Variants in FGGY observed in about 807,000 individuals in gnomAD.
FGGY encodes FGGY carbohydrate kinase domain containing, also known as FGGY carbohydrate kinase domain-containing protein.
A neutral mutation model predicts 71.3 loss-of-function variants in FGGY; 72 were observed. The ratio of observed to expected loss-of-function variants is 1.01; its 90% CI spans 0.84 to 1.23. The LOEUF (loss-of-function observed/expected upper bound fraction) is 1.23, where lower values mean the gene tolerates loss of function less well. Among genes scored for constraint, FGGY ranks in the 50% most tolerant of loss-of-function variants. FGGY has a pLI of 0.00. For synonymous variants in FGGY, 251 were observed against 250.3 expected (o/e 1.00, Z -0.02); for missense variants, 668 against 682.3 (o/e 0.98, Z 0.23).
At chr1:59,567,811 A>G (rs2095900120) in intron 8 of FGGY, among the ~76,000 whole-genome samples, 1 of 150,836 alleles carries the variant, frequency 6.6e-6, no homozygotes, top group South Asian at 2.1e-4. Context: ...ATTAAATCTG[A>G]TGGTTTCATT....
intron 8 of FGGY, among the ~76,000 whole-genome samples, chr1:59,566,467 T>C (rs1467564005): frequency 2.6e-5 from 4 of 152,184 alleles, no homozygotes; most frequent in Admixed American, 6.6e-5. Context: ...TTCTACTCTT[T>C]CACTTAACCA....
chr1:59,660,388 A>C, intron 12 of FGGY, 95 bp downstream of exon 12: 1 of 865,306 alleles, frequency 1.2e-6, no homozygotes, highest in Non-Finnish European at 1.8e-6. Context: ...CTTTTGTGAC[A>C]GAGATTCTTA....
chr1:59,372,801 A>T (rs1344115295), intron 4 of FGGY, among the ~76,000 whole-genome samples: 1 of 152,168 alleles, frequency 6.6e-6, no homozygotes, highest in African/African-American at 2.4e-5. Flanking sequence ...AGAACCAAAG[A>T]CAAAAACCAC....
chr1:59,600,593 C>A (rs556140682), intron 8 of FGGY, among the ~76,000 whole-genome samples: 1 of 152,270 alleles, frequency 6.6e-6, no homozygotes, highest in South Asian at 2.1e-4. Flanking sequence ...CTTTGGACAC[C>A]AAACTTTTCC....
intron 14 of FGGY, among the ~76,000 whole-genome samples, chr1:59,713,302 GTCT>G (rs1375895630): frequency 6.6e-6 from 1 of 152,170 alleles, no homozygotes; most frequent in Non-Finnish European, 1.5e-5. Context: ...ACATCTTCCT[GTCT>G]TCTTCTGAGT....
In FGGY at chr1:59,616,941, G is replaced by C. The variant is rs111760731; in HGVS notation, c.1011+9031G>C. Among the ~76,000 whole-genome samples, 1,303 of 152,184 alleles carry C rather than the reference G, an allele frequency of 8.6e-3. 24 individuals are homozygous for C. The highest frequency in any genetic ancestry group is 0.03 in the African/African-American group (1,242 of 41,532). On this transcript the variant is annotated intron_variant, in intron 9 of 15. Transcript: ENST00000303721. Reference sequence around the variant, plus strand: ...GCCTGGAGAGTCTCCTCACCCACCAGTGATGGCCTTTTAATATGTTTTATT... The same window carrying C: ...GCCTGGAGAGTCTCCTCACCCACCACTGATGGCCTTTTAATATGTTTTATT...
At chr1:59,665,052 C>T (rs2097311184) in intron 12 of FGGY, among the ~76,000 whole-genome samples, 1 of 152,172 alleles carries the variant, frequency 6.6e-6, no homozygotes, top group Non-Finnish European at 1.5e-5. Flanking sequence ...TTAGCTACTA[C>T]AATTCATGCC....
intron 5 of FGGY, among the ~76,000 whole-genome samples, chr1:59,404,339 C>A (rs982606431): frequency 1.3e-5 from 2 of 151,972 alleles, no homozygotes; most frequent in African/African-American, 4.8e-5. Flanking sequence ...ACCTGCACGG[C>A]ATGCACATGT....
At chr1:59,576,181 A>C (rs564058945) in intron 8 of FGGY, among the ~76,000 whole-genome samples, 169 of 152,310 alleles carry the variant, frequency 1.1e-3, no homozygotes, top group African/African-American at 3.8e-3. Flanking sequence ...TGGATAAGGA[A>C]AATGTGGCAC....
intron 5 of FGGY, among the ~76,000 whole-genome samples, chr1:59,384,801 G>GTTCT (rs1444984173): frequency 1.3e-5 from 2 of 152,020 alleles, no homozygotes; most frequent in Non-Finnish European, 2.9e-5. Flanking sequence ...ACAATAAAGG[G>GTTCT]TTCTTTTAAT....
chr1:59,698,639 T>G, intron 14 of FGGY: 2 of 511,690 alleles, frequency 3.9e-6, no homozygotes, highest in Non-Finnish European at 2.5e-6. Flanking sequence ...TGGGAATTTT[T>G]TTTTCTTGCT....
intron 9 of FGGY, among the ~76,000 whole-genome samples, chr1:59,623,313 C>G (rs2096827649): frequency 1.3e-5 from 2 of 152,116 alleles, no homozygotes; most frequent in Non-Finnish European, 2.9e-5. Context: ...TTATGACATT[C>G]AAGACACACT....
At chr1:59,353,631 G>A (rs1342039901) in intron 4 of FGGY, among the ~76,000 whole-genome samples, 2 of 152,014 alleles carry the variant, frequency 1.3e-5, no homozygotes, top group African/African-American at 4.8e-5. Flanking sequence ...TACCAGTGCC[G>A]CCAGTCTCAG....
chr1:59,483,887 A>G (rs1478549258), intron 6 of FGGY, among the ~76,000 whole-genome samples: 1 of 152,140 alleles, frequency 6.6e-6, no homozygotes, highest in Non-Finnish European at 1.5e-5. Flanking sequence ...TTCTTGAAAA[A>G]AAATAAAAGA....
chr1:59,653,109 T>A (rs913782421), intron 11 of FGGY, among the ~76,000 whole-genome samples: 1 of 152,136 alleles, frequency 6.6e-6, no homozygotes, highest in African/African-American at 2.4e-5. Flanking sequence ...AGTCTGCGGG[T>A]TCTCAGATCT....
intron 6 of FGGY, among the ~76,000 whole-genome samples, chr1:59,499,655 C>A (rs775702512): frequency 8.5e-5 from 13 of 152,084 alleles, no homozygotes; most frequent in African/African-American, 3.1e-4. Context: ...AGAACATAGT[C>A]GTATTCCATT....
intron 9 of FGGY, among the ~76,000 whole-genome samples, chr1:59,621,210 G>A (rs1036135048): frequency 6.6e-5 from 10 of 152,000 alleles, no homozygotes; most frequent in African/African-American, 1.7e-4. Context: ...AATTACCCCC[G>A]TAAGAGCCAT....
intron 5 of FGGY, among the ~76,000 whole-genome samples, chr1:59,454,743 T>C (rs892433231): frequency 1.3e-5 from 2 of 152,230 alleles, no homozygotes; most frequent in African/African-American, 4.8e-5. Context: ...TATATGATTT[T>C]AGTTGTGATT....
chr1:59,762,556 A>G lies in FGGY; in HGVS notation c.1628A>G (p.Glu543Gly), dbSNP rs1480421660. Residue 543 changes from glutamate (E) to glycine (G), a missense_variant, in exon 16 of 16, where the codon GAG becomes GGG. Physicochemically the swap from Glu to Gly is moderately conservative, Grantham distance 98. Transcript: ENST00000303721. Reference protein sequence around the residue: ...VFLKLVEHQKEYLAIMNDD With the variant: ...VFLKLVEHQKGYLAIMNDD ...CTGAAGCTGGTTGAACACCAGAAGG[A>G]GTATTTGGCGATCATGAATGATGAC... The G allele has an allele frequency of 1.2e-6, 2 of 1,613,816 alleles. No individual in the cohort carries two copies. The highest frequency in any genetic ancestry group is 1.7e-6 in the Non-Finnish European group (2 of 1,179,894).
Sources: gnomAD v4.1 joint callset for allele counts (sites outside exome capture counted in the v4.1 genomes callset) on GRCh38, gnomAD v4.1.1 for gene constraint, MANE v1.5 for transcripts, NCBI Gene and HGNC (gene_info 2026-07-23, HGNC 2026-07-21) for gene names.